The following LMNTD1 variants were observed in gnomAD, a reference collection of about 807,000 sequenced individuals.
LMNTD1 encodes lamin tail domain containing 1.
Under a neutral mutation model 50.9 loss-of-function variants are expected in LMNTD1, and 35 were observed. The ratio of observed to expected loss-of-function variants is 0.69; its 90% CI spans 0.53 to 0.91. The LOEUF (loss-of-function observed/expected upper bound fraction) is 0.91, where lower values mean the gene tolerates loss of function less well. Ranked by LOEUF, LMNTD1 falls within the 40% of genes least tolerant of loss-of-function variation. The pLI is 0.00. For synonymous variants in LMNTD1, 153 were observed against 161.9 expected, an observed-to-expected ratio of 0.94 and a Z score of 0.42; for missense variants, 470 against 475.5, an observed-to-expected ratio of 0.99 and a Z score of 0.11.
intron 4 of LMNTD1, among the ~76,000 whole-genome samples, chr12:25,527,681 TACACAC>T (rs376707066): frequency 0.01 from 335 of 31,940 alleles, 1 homozygote; most frequent in East Asian, 0.012. Context: ...TATATATATA[TACACAC>T]ACACACACAC....
intron 4 of LMNTD1, among the ~76,000 whole-genome samples, chr12:25,543,463 A>C (rs1943229769): frequency 6.6e-6 from 1 of 151,980 alleles, no homozygotes. Flanking sequence ...TTTAACATTA[A>C]AAAAGAAAAA....
At chr12:25,620,579 A>G (rs1481599009) in intron 1 of LMNTD1, among the ~76,000 whole-genome samples, 1 of 152,114 alleles carries the variant, frequency 6.6e-6, no homozygotes, top group African/African-American at 2.4e-5. Flanking sequence ...TGCTGCTATT[A>G]TGTGACTCTT....
chr12:25,587,580 T>C (rs1161659797), intron 1 of LMNTD1, among the ~76,000 whole-genome samples: 1 of 150,398 alleles, frequency 6.6e-6, no homozygotes, highest in East Asian at 1.9e-4. Context: ...ACCAACCGGA[T>C]GGTGCTAAAC....
intron 1 of LMNTD1, among the ~76,000 whole-genome samples, chr12:25,559,351 C>A (rs970653173): frequency 2.6e-5 from 4 of 152,086 alleles, no homozygotes; most frequent in Non-Finnish European, 5.9e-5. Context: ...CAGCTTCATC[C>A]ACGTCCCTTC....
intron 7 of LMNTD1, 113 bp downstream of exon 7, chr12:25,519,745 C>G: frequency 5.7e-6 from 4 of 702,566 alleles, no homozygotes; most frequent in Non-Finnish European, 9.7e-6. Flanking sequence ...CCAAAAATCA[C>G]TATTGATTTA....
chr12:25,595,920 C>T (rs1354175529), intron 1 of LMNTD1, among the ~76,000 whole-genome samples: 1 of 152,004 alleles, frequency 6.6e-6, no homozygotes, highest in Non-Finnish European at 1.5e-5. Context: ...ATAAATGACA[C>T]CACAGAAATA....
chr12:25,632,319 A>C (rs1946736681), intron 1 of LMNTD1, among the ~76,000 whole-genome samples: 1 of 152,202 alleles, frequency 6.6e-6, no homozygotes, highest in Non-Finnish European at 1.5e-5. Flanking sequence ...CATTGCAAAA[A>C]GCTCTCTGCC....
intron 1 of LMNTD1, among the ~76,000 whole-genome samples, chr12:25,585,449 CA>C (rs1945478977): frequency 6.6e-6 from 1 of 152,202 alleles, no homozygotes; most frequent in East Asian, 1.9e-4. Flanking sequence ...GTAGGTGGAA[CA>C]TTATGTACTT....
chr12:25,600,136 C>T lies in LMNTD1; in HGVS notation c.58+48358G>A, dbSNP rs1290202870. On this transcript the variant is annotated intron_variant, in intron 1 of 7. Transcript: ENST00000445693. ...TGAAATAGGATAGAGAGCTGAAAAA[C>T]AAATCCACACACCTACAGCGAACTC... Among the ~76,000 whole-genome samples, 4 of 151,874 alleles carry T rather than the reference C, an allele frequency of 2.6e-5. No individual in the cohort carries two copies. The East Asian group carries it at 7.7e-4, about 29-fold the overall frequency.
chr12:25,607,798 A>G (rs1946148127), intron 1 of LMNTD1, among the ~76,000 whole-genome samples: 1 of 152,188 alleles, frequency 6.6e-6, no homozygotes, highest in African/African-American at 2.4e-5. Context: ...TGCTGAGAAG[A>G]ATGTATATTC....
chr12:25,553,108 T>C lies in LMNTD1; in HGVS notation c.-70A>G. 1 of 1,613,206 alleles carries C rather than the reference T, an allele frequency of 6.2e-7. No homozygotes were observed. The highest frequency in any genetic ancestry group is 8.5e-7 in the Non-Finnish European group (1 of 1,179,934). Reference sequence around the variant, plus strand: ...ACCTTCAAGCATCAGCTAGGTTTAATAATTTCTTTACCAAACTAGTACCAG... The same window carrying C: ...ACCTTCAAGCATCAGCTAGGTTTAACAATTTCTTTACCAAACTAGTACCAG... On this transcript the variant is annotated 5_prime_UTR_variant, in exon 1 of 10. Coordinates refer to ENST00000458174, the MANE Select transcript of LMNTD1 (RefSeq NM_001145728.2).
chr12:25,478,257 TCATA>T (rs1198163162), intron 9 of LMNTD1, among the ~76,000 whole-genome samples: 1 of 152,146 alleles, frequency 6.6e-6, no homozygotes, highest in Non-Finnish European at 1.5e-5. Flanking sequence ...TCTCCTGAGA[TCATA>T]CATAATCTTC....
chr12:25,594,034 G>A (rs1482693780), intron 1 of LMNTD1, among the ~76,000 whole-genome samples: 1 of 152,064 alleles, frequency 6.6e-6, no homozygotes, highest in Admixed American at 6.5e-5. Context: ...AAAAGAATAA[G>A]AAAATATGAA....
At chr12:25,592,486 T>C (rs984472556) in intron 1 of LMNTD1, 2 of 152,242 alleles carry the variant, frequency 1.3e-5, no homozygotes, top group African/African-American at 4.8e-5. Context: ...CAGAAAATTC[T>C]GACCTTACCT....
chr12:25,600,650 C>T (rs1345243744), intron 1 of LMNTD1, among the ~76,000 whole-genome samples: 3 of 151,978 alleles, frequency 2.0e-5, no homozygotes, highest in African/African-American at 7.2e-5. Flanking sequence ...TTTGAATAGA[C>T]ATTTCTCAAA....
intron 9 of LMNTD1, among the ~76,000 whole-genome samples, chr12:25,498,355 T>G (rs10842571): frequency 6.6e-6 from 1 of 151,938 alleles, no homozygotes; most frequent in African/African-American, 2.4e-5. Context: ...AGGTGAGACT[T>G]TTTTGGCAAA....
intron 2 of LMNTD1, among the ~76,000 whole-genome samples, chr12:25,549,934 T>C (rs901176133): frequency 6.6e-6 from 1 of 152,188 alleles, no homozygotes; most frequent in Non-Finnish European, 1.5e-5. Context: ...CTTTGATCAC[T>C]TACCATTATT....
Position 25,518,816 on chromosome 12 carries a change from T to G in LMNTD1, c.1168A>C (p.Thr390Pro), listed in dbSNP as rs1342682572. 6.2e-7 allele frequency: 1 copy of G among 1,614,034 alleles called. No homozygotes were observed. Among genetic ancestry groups the G allele is most frequent in the African/African-American group, 1.3e-5 (1 of 74,936 alleles). Reference sequence around the variant, plus strand: ...TGACCTGAGGCTCGATTAGGTCTGGTTGACCGAGTCCTGGGCTGTCTATCC... The same window carrying G: ...TGACCTGAGGCTCGATTAGGTCTGGGTGACCGAGTCCTGGGCTGTCTATCC... ...RLDRQPRTRSTRPNRASGSKK... is the reference protein window; with the variant it reads ...RLDRQPRTRSPRPNRASGSKK... Residue 390 changes from threonine to proline, a missense_variant, in exon 8 of 10, where the codon ACC becomes CCC. Coordinates refer to ENST00000458174, the MANE Select transcript of LMNTD1 (RefSeq NM_001145728.2).
intron 1 of LMNTD1, among the ~76,000 whole-genome samples, chr12:25,574,167 C>T (rs1215463568): frequency 6.6e-6 from 1 of 152,194 alleles, no homozygotes; most frequent in African/African-American, 2.4e-5. Context: ...GACAAACTTT[C>T]TTCTTTGCAA....
Sources: allele counts gnomAD v4.1 joint callset (sites outside exome capture counted in the v4.1 genomes callset), GRCh38; gene constraint gnomAD v4.1.1; transcripts MANE v1.5; gene names NCBI Gene and HGNC (gene_info 2026-07-23, HGNC 2026-07-21).